Variants in DPYD observed in about 807,000 individuals in gnomAD.
DPYD encodes dihydropyrimidine dehydrogenase, also known as dihydropyrimidine dehydrogenase [NADP(+)].
DPYD carries 109 observed loss-of-function variants against 116.2 expected under a neutral mutation model. The observed-to-expected ratio is 0.94, with a 90% CI of 0.80 to 1.10. The LOEUF (loss-of-function observed/expected upper bound fraction) is 1.10, where lower values mean the gene tolerates loss of function less well. DPYD is among the 50% of genes least tolerant of loss of function. The pLI, the probability that DPYD is intolerant of heterozygous loss-of-function variation, is 0.00. For synonymous variants in DPYD, 440 were observed against 432.0 expected (o/e 1.02, Z -0.23); for missense variants, 1,302 against 1,254.5 (o/e 1.04, Z -0.57).
intron 12 of DPYD, among the ~76,000 whole-genome samples, chr1:97,523,930 C>T (rs1320991533): frequency 6.6e-6 from 1 of 151,996 alleles, no homozygotes; most frequent in Admixed American, 6.6e-5. Flanking sequence ...CTTAATGCCA[C>T]TGGAACTGTA....
intron 5 of DPYD, among the ~76,000 whole-genome samples, chr1:97,708,841 A>G (rs1294490472): frequency 6.6e-6 from 1 of 151,898 alleles, no homozygotes; most frequent in Non-Finnish European, 1.5e-5. Flanking sequence ...TCTCATATAC[A>G]TATTATACCT....
chr1:97,291,485 C>T (rs12746053), intron 18 of DPYD, among the ~76,000 whole-genome samples: 1 of 151,996 alleles, frequency 6.6e-6, no homozygotes, highest in Non-Finnish European at 1.5e-5. Context: ...GGCACATATA[C>T]ACCATGGAAT....
At chr1:97,909,979 C>T (rs1002902300) in intron 1 of DPYD, among the ~76,000 whole-genome samples, 6 of 152,074 alleles carry the variant, frequency 3.9e-5, no homozygotes, top group Non-Finnish European at 8.8e-5. Context: ...TTCAGTCCCA[C>T]CTCTTTGATT....
Position 97,450,088 on chromosome 1 carries a change from T to A in DPYD, c.1876A>T (p.Thr626Ser), listed in dbSNP as rs2101792157. The A allele has an allele frequency of 6.2e-7, 1 of 1,613,982 alleles. No individual in the cohort carries two copies. Among genetic ancestry groups the A allele is most frequent in the South Asian group, 1.1e-5 (1 of 91,088 alleles). ...TCTGGAAAGTCAGCCTTTAGTTCAG[T>A]GACACTTTGACACCAATATGCAGCC... The part of the protein sequence containing the change: ...KTAAYWCQSV[T>S]ELKADFPDNI... Residue 626 changes from threonine (T) to serine (S), a missense_variant, in exon 14 of 23, where the codon ACT (threonine) becomes TCT (serine). Thr to Ser is a moderately conservative substitution (Grantham distance 58). Coordinates refer to ENST00000370192, the MANE Select transcript of DPYD (RefSeq NM_000110.4).
At chr1:97,169,487 G>T (rs540027020) in intron 20 of DPYD, among the ~76,000 whole-genome samples, 2 of 147,400 alleles carry the variant, frequency 1.4e-5, no homozygotes, top group East Asian at 4.2e-4. Context: ...AGATGCCTAT[G>T]ATAATTGATT....
chr1:97,257,793 T>C (rs746275783), intron 18 of DPYD, among the ~76,000 whole-genome samples: 7 of 152,064 alleles, frequency 4.6e-5, no homozygotes, highest in Non-Finnish European at 1.0e-4. Context: ...GCTGGTGACA[T>C]AAATAGGAGT....
chr1:97,204,852 C>G (rs1207505262), intron 19 of DPYD, among the ~76,000 whole-genome samples: 1 of 152,052 alleles, frequency 6.6e-6, no homozygotes, highest in African/African-American at 2.4e-5. Context: ...ATTCACCAGG[C>G]TTTTATTACT....
At chr1:97,554,907 G>C (rs1200593284) in intron 11 of DPYD, among the ~76,000 whole-genome samples, 2 of 151,834 alleles carry the variant, frequency 1.3e-5, no homozygotes, top group Non-Finnish European at 2.9e-5. Context: ...TCAGTATATT[G>C]TATGTGTCAT....
At chr1:97,351,146 T>C (rs1028065350) in intron 16 of DPYD, among the ~76,000 whole-genome samples, 4 of 152,158 alleles carry the variant, frequency 2.6e-5, no homozygotes, top group African/African-American at 9.7e-5. Flanking sequence ...TTTCAAAACT[T>C]CATAGCTCTT....
At chr1:97,244,156 A>G (rs1309744590) in intron 18 of DPYD, among the ~76,000 whole-genome samples, 1 of 152,008 alleles carries the variant, frequency 6.6e-6, no homozygotes, top group East Asian at 1.9e-4. Flanking sequence ...GGCCACCACA[A>G]GCTACACTTA....
chr1:97,684,572 T>C (rs2780851), intron 7 of DPYD, among the ~76,000 whole-genome samples: 3 of 146,188 alleles, frequency 2.1e-5, no homozygotes, highest in African/African-American at 7.6e-5. Flanking sequence ...GAAAAAAAAA[T>C]ATATATATAT....
At chr1:97,264,312 G>A (rs72726663) in intron 18 of DPYD, among the ~76,000 whole-genome samples, 1,867 of 151,202 alleles carry the variant, frequency 0.012, 32 homozygotes, top group Middle Eastern at 0.044. Flanking sequence ...ATAGGCACAC[G>A]CCACCATGCC....
chr1:97,323,425 C>CAT (rs748644945), intron 16 of DPYD, among the ~76,000 whole-genome samples: 36 of 71,222 alleles, frequency 5.1e-4, no homozygotes, highest in Non-Finnish European at 9.9e-4. Context: ...CGTATATATA[C>CAT]ATATGTGTAT....
At chr1:97,351,945 C>T (rs1570576424) in intron 16 of DPYD, among the ~76,000 whole-genome samples, 1 of 152,100 alleles carries the variant, frequency 6.6e-6, no homozygotes, top group Non-Finnish European at 1.5e-5. Flanking sequence ...AATTCAGCTA[C>T]TGCAAGTATT....
At chr1:97,919,802 G>A (rs1553260289) in intron 1 of DPYD, among the ~76,000 whole-genome samples, 1 of 152,162 alleles carries the variant, frequency 6.6e-6, no homozygotes, top group Non-Finnish European at 1.5e-5. Flanking sequence ...TTTGGCTCTT[G>A]TTACTAAAAT....
intron 11 of DPYD, among the ~76,000 whole-genome samples, chr1:97,558,195 C>A (rs902553667): frequency 3.9e-5 from 6 of 152,068 alleles, no homozygotes; most frequent in Non-Finnish European, 7.4e-5. Context: ...TAACCACTAA[C>A]GACTTTCTGT....
chr1:97,149,410 G>A (rs1288232782), intron 20 of DPYD, among the ~76,000 whole-genome samples: 2 of 151,976 alleles, frequency 1.3e-5, no homozygotes, highest in Non-Finnish European at 2.9e-5. Flanking sequence ...GCACTGCCAC[G>A]CCCAGCTAAT....
intron 19 of DPYD, among the ~76,000 whole-genome samples, chr1:97,212,102 A>G (rs917325422): frequency 6.2e-5 from 9 of 144,356 alleles, no homozygotes; most frequent in Admixed American, 6.2e-4. Flanking sequence ...CTCGCCCACT[A>G]TACGTGTGCA....
At position 97,305,392 on chromosome 1, in the gene DPYD, A is replaced by G; in HGVS notation, c.2180-14T>C. 1.9e-6 allele frequency: 3 copies of G among 1,612,062 alleles called. No homozygotes were observed. Among genetic ancestry groups the G allele is most frequent in the African/African-American group, 1.3e-5 (1 of 74,910 alleles). On this transcript the variant is annotated splice_polypyrimidine_tract_variant and intron_variant, in intron 17 of 22. Coordinates refer to ENST00000370192, the MANE Select transcript of DPYD (RefSeq NM_000110.4). ...CATTGGCACCACCTATGCAAGACAC[A>G]TCAACATTTTCATGCAGCTCTTATA...
Sources: gnomAD v4.1 joint callset for allele counts (sites outside exome capture counted in the v4.1 genomes callset) on GRCh38, gnomAD v4.1.1 for gene constraint, MANE v1.5 for transcripts, NCBI Gene and HGNC (gene_info 2026-07-23, HGNC 2026-07-21) for gene names.